TLN2: variants seen among roughly 807,000 people sequenced by gnomAD.
TLN2 encodes the protein talin 2.
In TLN2, 118 loss-of-function variants were observed where a neutral mutation model predicts 294.7. The ratio of observed to expected loss-of-function variants is 0.40; its 90% confidence interval spans 0.34 to 0.47. The LOEUF is 0.47. Among genes scored for constraint, TLN2 ranks in the 20% least tolerant of loss-of-function variants. The pLI is 0.84. For synonymous variants in TLN2, 1,431 were observed against 1,304.5 expected, an observed-to-expected ratio of 1.10 and a Z score of -2.09; for missense variants, 3,083 against 3,282.2, an observed-to-expected ratio of 0.94 and a Z score of 1.48.
At chr15:62,838,742 A>T in intron 57 of TLN2, 114 bp from the exon 58 acceptor site, 2 of 1,390,136 alleles carry the variant, frequency 1.4e-6, no homozygotes, top group South Asian at 2.9e-5. Context: ...ACTTGATGTT[A>T]TAATTGGATA....
chr15:62,716,186 A>G, intron 22 of TLN2, 145 bp from the exon 23 acceptor site: 2 of 1,072,070 alleles, frequency 1.9e-6, no homozygotes, highest in South Asian at 3.3e-5. Context: ...TGCATGAGGA[A>G]ACATCTTCAT....
At chr15:62,717,834 C>G in intron 24 of TLN2, 145 bp downstream of exon 24, 1 of 540,982 alleles carries the variant, frequency 1.8e-6, no homozygotes, top group Non-Finnish European at 3.1e-6. Flanking sequence ...CAGGTGTCTA[C>G]ACGTCTGGTT....
At chr15:62,727,053 T>C (rs2060477864) in intron 27 of TLN2, 34 bp from the exon 28 acceptor site, 1 of 1,605,110 alleles carries the variant, frequency 6.2e-7, no homozygotes, top group South Asian at 1.1e-5. Flanking sequence ...TTCCTTTTCT[T>C]CTACGTTCTT....
chr15:62,645,817 C>T (rs1211479800), intron 3 of TLN2, among the ~76,000 whole-genome samples: 2 of 152,156 alleles, frequency 1.3e-5, no homozygotes, highest in Non-Finnish European at 2.9e-5. Flanking sequence ...CTGGGCTGCT[C>T]TAAGATTCTA....
chr15:62,563,518 A>G (rs1339824476), intron 1 of TLN2, among the ~76,000 whole-genome samples: 1 of 152,114 alleles, frequency 6.6e-6, no homozygotes, highest in Non-Finnish European at 1.5e-5. Context: ...TAGACTGTGA[A>G]GATTTTCTCC....
chr15:62,491,735 G>T (rs948730278), intron 1 of TLN2, among the ~76,000 whole-genome samples: 3 of 152,184 alleles, frequency 2.0e-5, no homozygotes, highest in South Asian at 2.1e-4. Flanking sequence ...TGATTGGGGG[G>T]TTCCAAAATT....
intron 1 of TLN2, among the ~76,000 whole-genome samples, chr15:62,404,810 C>T (rs1423493231): frequency 6.6e-6 from 1 of 152,144 alleles, no homozygotes. Flanking sequence ...ACACCTGTCA[C>T]TCCTAGGCTC....
rs149421252 is a variant in TLN2, at chr15:62,569,567, A to G, written c.-237-20120A>G. Among the ~76,000 whole-genome samples the G allele has an allele frequency of 7.4e-4, 113 of 152,316 alleles. 2 individuals are homozygous for G. In the East Asian group the frequency reaches 0.021, roughly 28 times the overall value. On this transcript the variant is annotated intron_variant, in intron 1 of 58. Transcript: ENST00000636159. ...TACCCAGACTTTCTGGAAGCATGGC[A>G]CTTTCAGCTCATGCATGAGGTTGGT...
intron 45 of TLN2, among the ~76,000 whole-genome samples, chr15:62,785,501 A>G (rs1384625657): frequency 6.6e-6 from 1 of 152,198 alleles, no homozygotes; most frequent in African/African-American, 2.4e-5. Context: ...CTTGTCTACA[A>G]AAATACTGGG....
intron 28 of TLN2, among the ~76,000 whole-genome samples, chr15:62,735,800 A>G (rs1249554305): frequency 6.6e-6 from 1 of 152,200 alleles, no homozygotes; most frequent in Non-Finnish European, 1.5e-5. Flanking sequence ...TGTTAGATTC[A>G]TTTATAACAG....
intron 44 of TLN2, among the ~76,000 whole-genome samples, chr15:62,782,389 C>T (rs558912109): frequency 1.3e-4 from 20 of 152,332 alleles, no homozygotes; most frequent in Non-Finnish European, 2.6e-4. Context: ...TCCGAGCCAG[C>T]AGACTTTCAG....
intron 41 of TLN2, among the ~76,000 whole-genome samples, chr15:62,769,121 A>G (rs943481902): frequency 6.6e-6 from 1 of 152,258 alleles, no homozygotes; most frequent in African/African-American, 2.4e-5. Flanking sequence ...GACATTTGAC[A>G]GTTGCATTGA....
chr15:62,719,743 T>C (rs754057671), intron 24 of TLN2, 24 bp from the exon 25 acceptor site: 1 of 1,561,608 alleles, frequency 6.4e-7, no homozygotes, highest in Non-Finnish European at 8.7e-7. Flanking sequence ...AGCCATGCTG[T>C]TTTTATTTCC....
intron 3 of TLN2, among the ~76,000 whole-genome samples, chr15:62,628,772 C>T (rs1201816094): frequency 6.6e-6 from 1 of 152,226 alleles, no homozygotes; most frequent in Non-Finnish European, 1.5e-5. Flanking sequence ...CTGCCCTGTA[C>T]CTTCTTCCAC....
chr15:62,551,513 TAC>T (rs56986714), intron 1 of TLN2, among the ~76,000 whole-genome samples: 58,937 of 146,744 alleles, frequency 0.4, 12,518 homozygotes, highest in Middle Eastern at 0.5. Context: ...CTACTAAAAA[TAC>T]ACACACACAC....
chr15:62,746,826 G>A (rs1162891091), intron 32 of TLN2, among the ~76,000 whole-genome samples: 1 of 152,192 alleles, frequency 6.6e-6, no homozygotes, highest in East Asian at 1.9e-4. Flanking sequence ...ATTTGGTTTT[G>A]GAGTCAGATA....
At chr15:62,643,384 A>G (rs1023295155) in intron 3 of TLN2, among the ~76,000 whole-genome samples, 7 of 146,628 alleles carry the variant, frequency 4.8e-5, no homozygotes, top group African/African-American at 1.8e-4. Flanking sequence ...GCTCTGTAAG[A>G]ATGATTAGTT....
At chr15:62,555,659 C>T (rs745914888) in intron 1 of TLN2, among the ~76,000 whole-genome samples, 1 of 152,142 alleles carries the variant, frequency 6.6e-6, no homozygotes, top group East Asian at 1.9e-4. Context: ...AGGATTTGTT[C>T]TTGTGTATGA....
At chr15:62,613,832 G>C (rs575394817) in intron 2 of TLN2, among the ~76,000 whole-genome samples, 1 of 147,626 alleles carries the variant, frequency 6.8e-6, no homozygotes, top group East Asian at 2.0e-4. Context: ...AAATAATTAT[G>C]CTAAGTAATG....
Sources: allele counts gnomAD v4.1 joint callset (sites outside exome capture counted in the v4.1 genomes callset), GRCh38; gene constraint gnomAD v4.1.1; transcripts MANE v1.5; gene names NCBI Gene and HGNC (gene_info 2026-07-23, HGNC 2026-07-21).